Variants in GABPB2 observed in about 807,000 individuals in gnomAD.
The protein encoded by GABPB2 is GA-binding protein subunit beta-2.
Under a neutral mutation model 39.1 loss-of-function variants are expected in GABPB2, and 23 were observed. The observed-to-expected ratio is 0.59, with a 90% CI of 0.42 to 0.83. GABPB2 has a LOEUF of 0.83. Among genes scored for constraint, GABPB2 ranks in the 40% least tolerant of loss-of-function variants. The pLI is 0.00. For missense variants in GABPB2, 467 were observed against 541.1 expected (o/e 0.86, Z 1.36); for synonymous variants, 184 against 199.3 (o/e 0.92, Z 0.65).
intron 1 of GABPB2, among the ~76,000 whole-genome samples, chr1:151,071,732 A>G (rs866315268): frequency 2.0e-5 from 3 of 152,142 alleles, no homozygotes; most frequent in Admixed American, 6.5e-5. Flanking sequence ...TTGGCCTTCC[A>G]AAGTGCTGGG....
intron 7 of GABPB2, chr1:151,112,773 A>AT (rs903752893): frequency 7.4e-4 from 118 of 158,640 alleles, no homozygotes; most frequent in South Asian, 3.3e-3. Context: ...GAGCTCCCGA[A>AT]TTTTTTTTTT....
chr1:151,109,617 C>T (rs587616868), intron 7 of GABPB2, among the ~76,000 whole-genome samples: 1 of 151,720 alleles, frequency 6.6e-6, no homozygotes, highest in African/African-American at 2.4e-5. Context: ...CCTCGGCCTC[C>T]CAAAGTGCTG....
At chr1:151,114,409 G>A (rs1009326539) in intron 7 of GABPB2, among the ~76,000 whole-genome samples, 10 of 151,888 alleles carry the variant, frequency 6.6e-5, no homozygotes, top group African/African-American at 2.2e-4. Context: ...GTTCTTATGG[G>A]AAATAAAAAA....
chr1:151,078,855 A>G (rs1441502102), intron 1 of GABPB2, among the ~76,000 whole-genome samples: 1 of 151,626 alleles, frequency 6.6e-6, no homozygotes, highest in African/African-American at 2.4e-5. Flanking sequence ...GTATTTTAGT[A>G]GGGGCGGGAT....
chr1:151,099,993 T>G (rs2101526031), intron 5 of GABPB2, among the ~76,000 whole-genome samples: 2 of 152,340 alleles, frequency 1.3e-5, no homozygotes, highest in South Asian at 4.1e-4. Flanking sequence ...AATAGTGATC[T>G]TCATTTTATA....
At chr1:151,097,614 C>T (rs12070256) in intron 4 of GABPB2, among the ~76,000 whole-genome samples, 13,373 of 151,824 alleles carry the variant, frequency 0.088, 735 homozygotes, top group African/African-American at 0.15. Context: ...AAACCCTCTA[C>T]TAAAAATACA....
chr1:151,094,990 A>G (rs1346159952), intron 4 of GABPB2, among the ~76,000 whole-genome samples: 1 of 140,924 alleles, frequency 7.1e-6, no homozygotes, highest in Non-Finnish European at 1.5e-5. Flanking sequence ...AGCCTGGGTG[A>G]CACAGCAGGA....
chr1:151,089,407 A>G (rs1678479007), intron 2 of GABPB2, among the ~76,000 whole-genome samples: 1 of 152,206 alleles, frequency 6.6e-6, no homozygotes, highest in Non-Finnish European at 1.5e-5. Flanking sequence ...AAAGAAGGGA[A>G]TAGAGCTCTG....
intron 1 of GABPB2, among the ~76,000 whole-genome samples, chr1:151,085,434 G>A (rs1373679054): frequency 1.3e-5 from 2 of 152,042 alleles, no homozygotes; most frequent in Admixed American, 6.6e-5. Flanking sequence ...CATGATAAAA[G>A]CAGTTATTTA....
rs770812873 is a variant in GABPB2 at position 151,097,941 on chromosome 1, G to A, written c.561G>A (p.Thr187=). 14 of 1,614,026 alleles carry A rather than the reference G, an allele frequency of 8.7e-6. No individual in the cohort carries two copies. The highest frequency in any genetic ancestry group is 4.5e-5 in the East Asian group (2 of 44,872). Residue 187 remains threonine, a synonymous_variant, in exon 5 of 9, where the codon ACG becomes ACA. Transcript: ENST00000368918. ...GTATGGCTGCTCCATTCATCTTCAC[G>A]TCGGGTGAGGTTGTTAACCTCGCAA... The part of the protein sequence containing the change: ...PVSMAAPFIF[T]SGEVVNLASL...
rs1030231684 is a variant in GABPB2 at position 151,118,553 on chromosome 1, A to C, written c.*297A>C. The C allele has an allele frequency of 4.1e-6, 1 of 245,726 alleles. No individual in the cohort carries two copies. Among genetic ancestry groups the C allele is most frequent in the East Asian group, 7.8e-5 (1 of 12,790 alleles). The allele number at this position is 245,726 out of a possible 1,614,324, so 15.2% of individuals were successfully genotyped here. A position where few individuals can be genotyped will look rare whatever the true frequency, so the allele number is the denominator to read the frequency against. ...TGTTGTGGGTTGATTTTTTTTTTTT[A>C]AATAACTGACTTTCTCACAAAAGAT... is the stretch of plus-strand genomic sequence containing the variant. On this transcript the variant is annotated 3_prime_UTR_variant, in exon 9 of 9. Coordinates refer to ENST00000368918, the MANE Select transcript of GABPB2 (RefSeq NM_144618.3).
At chr1:151,107,936 A>T (rs1228184187) in intron 7 of GABPB2, among the ~76,000 whole-genome samples, 11 of 145,356 alleles carry the variant, frequency 7.6e-5, no homozygotes, top group Middle Eastern at 3.5e-3. Context: ...CTCTGTCTTT[A>T]AAAAAAAAAA....
chr1:151,098,235 T>G (rs1049265131), intron 5 of GABPB2, among the ~76,000 whole-genome samples: 1 of 152,182 alleles, frequency 6.6e-6, no homozygotes, highest in Non-Finnish European at 1.5e-5. Flanking sequence ...TATTCTGGCT[T>G]GGGCACAGTG....
chr1:151,083,401 G>A (rs1677886710), intron 1 of GABPB2, among the ~76,000 whole-genome samples: 1 of 152,200 alleles, frequency 6.6e-6, no homozygotes, highest in African/African-American at 2.4e-5. Flanking sequence ...GGAGGCTGAG[G>A]CAGGCAGATC....
chr1:151,071,946 C>T (rs1034356237), intron 1 of GABPB2, among the ~76,000 whole-genome samples: 1 of 152,240 alleles, frequency 6.6e-6, no homozygotes, highest in Admixed American at 6.5e-5. Context: ...CCCAAAAGGG[C>T]TTTCTCTCTA....
chr1:151,074,146 T>C (rs587648105), intron 1 of GABPB2, among the ~76,000 whole-genome samples: 1 of 150,820 alleles, frequency 6.6e-6, no homozygotes, highest in Non-Finnish European at 1.5e-5. Flanking sequence ...CGGCTAATTT[T>C]TTGTATTTTT....
In GABPB2 at chr1:151,103,659, C is replaced by G; in HGVS notation, c.720C>G (p.Asn240Lys). 1 of 1,612,876 alleles carries G rather than the reference C, an allele frequency of 6.2e-7. No individual in the cohort carries two copies. Among genetic ancestry groups the G allele is most frequent in the South Asian group, 1.1e-5 (1 of 91,050 alleles). The change falls in exon 6 of 9, where the codon AAC becomes AAG. Residue 240 changes from asparagine (N) to lysine (K), a missense_variant. By Grantham distance (94) the Asn-to-Lys change is moderately conservative. Coordinates refer to ENST00000368918, the MANE Select transcript of GABPB2 (RefSeq NM_144618.3). ...ALAEASVPLS[N>K]SHRATANTEE... ...CTGAGGCATCAGTCCCCCTCTCCAA[C>G]TCACACAGAGCCACAGGTAGGTAAG...
intron 5 of GABPB2, among the ~76,000 whole-genome samples, chr1:151,101,621 T>G (rs772416151): frequency 6.6e-6 from 1 of 151,378 alleles, no homozygotes; most frequent in African/African-American, 2.4e-5. Context: ...GAATAGCCAA[T>G]AGAGGGTGCA....
chr1:151,080,928 A>C (rs1258708901), intron 1 of GABPB2, among the ~76,000 whole-genome samples: 16 of 143,266 alleles, frequency 1.1e-4, no homozygotes, highest in Admixed American at 2.1e-4. Flanking sequence ...GCTGGAGTGC[A>C]GTGGCTCAAT....
Sources: allele counts gnomAD v4.1 joint callset (sites outside exome capture counted in the v4.1 genomes callset), GRCh38; gene constraint gnomAD v4.1.1; transcripts MANE v1.5; gene names NCBI Gene and HGNC (gene_info 2026-07-23, HGNC 2026-07-21).